Variants in PHTF1 observed in about 807,000 individuals in gnomAD.
The protein encoded by PHTF1 is protein PHTF1.
Under a neutral mutation model 102.4 loss-of-function variants are expected in PHTF1, and 88 were observed. That is an observed-to-expected ratio of 0.86 (90% CI 0.72 to 1.03). PHTF1 has a LOEUF of 1.03. Ranked by LOEUF, PHTF1 falls within the 50% of genes least tolerant of loss-of-function variation. The pLI is 0.00. For synonymous variants in PHTF1, 289 were observed against 305.2 expected, an observed-to-expected ratio of 0.95 and a Z score of 0.55; for missense variants, 814 against 909.5, an observed-to-expected ratio of 0.89 and a Z score of 1.35.
Position 113,738,882 on chromosome 1 carries a change from G to A in PHTF1, c.103-83C>T, listed in dbSNP as rs531507954. On this transcript the variant is annotated intron_variant, in intron 3 of 18. Transcript: ENST00000369604. Reference sequence around the variant, plus strand: ...TTATTTATTTTTGAGACACAGTTTCGCTCTTGTAGCCCAGGCTGGAGTGCA... The same window carrying A: ...TTATTTATTTTTGAGACACAGTTTCACTCTTGTAGCCCAGGCTGGAGTGCA... The A allele has an allele frequency of 5.3e-5, 51 of 966,390 alleles. No homozygotes were observed. In the East Asian group the frequency reaches 8.5e-4, roughly 16 times the overall value. The allele number at this position is 966,390 out of a possible 1,614,324, so 59.9% of individuals were successfully genotyped here.
chr1:113,710,816 T>A lies in PHTF1; in HGVS notation c.1048-341A>T, dbSNP rs1234592861. ...GATATATATATATATATATATTTTTTTTTTTTTTTTGTAAAGATGTGGTCT... is the reference window on the plus strand; with the variant it reads ...GATATATATATATATATATATTTTTATTTTTTTTTTGTAAAGATGTGGTCT... On this transcript the variant is annotated intron_variant, in intron 10 of 18. Coordinates refer to ENST00000369604, the MANE Select transcript of PHTF1 (RefSeq NM_001323043.2). Among the ~76,000 whole-genome samples the A allele has an allele frequency of 6.1e-3, 845 of 137,796 alleles. 9 individuals carry two copies. Among genetic ancestry groups the A allele is most frequent in the African/African-American group, 0.024 (795 of 32,830 alleles). The allele number at this position is 137,796 out of a possible 152,430, so 90.4% of individuals were successfully genotyped here.
At chr1:113,718,279 C>T (rs576721642) in intron 7 of PHTF1, among the ~76,000 whole-genome samples, 6 of 152,300 alleles carry the variant, frequency 3.9e-5, no homozygotes, top group African/African-American at 9.6e-5. Context: ...ATCCAGGTCA[C>T]GCTGATGCAA....
chr1:113,703,877 G>C lies in PHTF1; in HGVS notation c.1890+204C>G, dbSNP rs989942844. The C allele has an allele frequency of 2.4e-5, 12 of 490,950 alleles. No individual in the cohort carries two copies. In the East Asian group the frequency reaches 3.6e-4, roughly 15 times the overall value. The allele number at this position is 490,950 out of a possible 1,614,324, so 30.4% of individuals were successfully genotyped here. On this transcript the variant is annotated intron_variant, in intron 15 of 18. Coordinates refer to ENST00000369604, the MANE Select transcript of PHTF1 (RefSeq NM_001323043.2). ...AATTAATAATTACCAACTAAAATTA[G>C]AGCGATCTTACAGTTTGAAAGGACT...
intron 8 of PHTF1, 28 bp downstream of exon 8, chr1:113,713,251 C>A (rs200662874): frequency 1.6e-4 from 262 of 1,600,552 alleles, no homozygotes; most frequent in African/African-American, 3.0e-4. Context: ...GGGAAAAAAA[C>A]CCCTTGTTAA....
rs199578049 is a variant in PHTF1, at chr1:113,755,424, A to AT, written c.102+2274dup. 4.3e-3 allele frequency among the ~76,000 whole-genome samples: 648 copies of AT among 151,434 alleles called. 5 individuals carry two copies. The highest frequency in any genetic ancestry group is 0.014 in the African/African-American group (597 of 41,294). Reference sequence around the variant, plus strand: ...ACAAGAGTGGCACATTAGCTGAGTAATTTTTTTTTCAGCTTTCTACTATCA... The same window carrying AT: ...ACAAGAGTGGCACATTAGCTGAGTAATTTTTTTTTTCAGCTTTCTACTATCA... On this transcript the variant is annotated intron_variant, in intron 3 of 18. Coordinates refer to ENST00000369604, the MANE Select transcript of PHTF1 (RefSeq NM_001323043.2).
chr1:113,709,426 T>C (rs1650718213), intron 11 of PHTF1, among the ~76,000 whole-genome samples: 1 of 152,186 alleles, frequency 6.6e-6, no homozygotes, highest in Non-Finnish European at 1.5e-5. Flanking sequence ...TGTGGAAATA[T>C]TTAGCCTAAA....
chr1:113,710,182 G>T (rs1650831395), intron 11 of PHTF1, 72 bp downstream of exon 11: 2 of 1,080,634 alleles, frequency 1.9e-6, no homozygotes, highest in African/African-American at 3.1e-5. Context: ...AAAGTTAAAT[G>T]AGATGACAGA....
intron 5 of PHTF1, among the ~76,000 whole-genome samples, chr1:113,737,509 T>C (rs1161393091): frequency 6.6e-6 from 1 of 152,148 alleles, no homozygotes; most frequent in Non-Finnish European, 1.5e-5. Context: ...GAATAGAACC[T>C]AGGGTGCAAA....
At chr1:113,716,961 T>C (rs775869765) in intron 7 of PHTF1, among the ~76,000 whole-genome samples, 1 of 152,126 alleles carries the variant, frequency 6.6e-6, no homozygotes, top group African/African-American at 2.4e-5. Flanking sequence ...ATATCTTCAA[T>C]AGGAAGACTA....
intron 8 of PHTF1, among the ~76,000 whole-genome samples, 167 bp from the exon 9 acceptor site, chr1:113,712,280 T>G (rs899796752): frequency 6.6e-6 from 1 of 152,196 alleles, no homozygotes; most frequent in African/African-American, 2.4e-5. Flanking sequence ...AAGAAAAATA[T>G]TTAGTTGAAA....
chr1:113,705,764 G>A (rs1327525819), intron 13 of PHTF1, 126 bp downstream of exon 13: 1 of 680,244 alleles, frequency 1.5e-6, no homozygotes, highest in Non-Finnish European at 2.5e-6. Flanking sequence ...AATATCAAAA[G>A]TCCACTTATC....
chr1:113,712,993 G>A lies in PHTF1; in HGVS notation c.783+286C>T, dbSNP rs888093387. On this transcript the variant is annotated intron_variant, in intron 8 of 18. Coordinates refer to ENST00000369604, the MANE Select transcript of PHTF1 (RefSeq NM_001323043.2). ...TTTTTAGTAGAAACGGGGTTTCACC[G>A]TGTTAGCCAAGATGATCTCGATCTC... Among the ~76,000 whole-genome samples, 7 of 152,078 alleles carry A rather than the reference G, an allele frequency of 4.6e-5. 1 individual carries two copies. The highest frequency in any genetic ancestry group is 1.3e-4 in the Admixed American group (2 of 15,262).
chr1:113,705,875 T>A lies in PHTF1; in HGVS notation c.1671+15A>T, dbSNP rs1310243656. 1 of 1,596,424 alleles carries A rather than the reference T, an allele frequency of 6.3e-7. No individual in the cohort carries two copies. Among genetic ancestry groups the A allele is most frequent in the African/African-American group, 1.4e-5 (1 of 73,770 alleles). ...ACAAAAACAGGTAAAAAATTTTCCT[T>A]ATTTCTCCACTGACCTGTTTATATG... On this transcript the variant is annotated intron_variant, in intron 13 of 18. Coordinates refer to ENST00000369604, the MANE Select transcript of PHTF1 (RefSeq NM_001323043.2).
intron 3 of PHTF1, among the ~76,000 whole-genome samples, chr1:113,739,487 T>C (rs1380507210): frequency 6.6e-6 from 1 of 152,234 alleles, no homozygotes; most frequent in Non-Finnish European, 1.5e-5. Flanking sequence ...TGTGCATATT[T>C]ATGGCGTAGA....
intron 4 of PHTF1, 62 bp downstream of exon 4, chr1:113,738,668 A>G: frequency 1.0e-6 from 1 of 970,008 alleles, no homozygotes; most frequent in Middle Eastern, 2.6e-4. Flanking sequence ...GAAGATATTG[A>G]AAATTAAGCA....
chr1:113,700,835 T>G lies in PHTF1; in HGVS notation c.2005A>C (p.Asn669His), dbSNP rs369210173. ...LRLASLGSET[N>H]KKYSNVSILL... Reference sequence around the variant, plus strand: ...ATTGAAACATTGCTGTATTTCTTATTGGTTTCAGACCCCAGTGAGGCCAGA... The same window carrying G: ...ATTGAAACATTGCTGTATTTCTTATGGGTTTCAGACCCCAGTGAGGCCAGA... The change falls in exon 16 of 19, where the codon AAT (asparagine) becomes CAT (histidine). Residue 669 changes from asparagine (N) to histidine (H), a missense_variant. By Grantham distance (68) the Asn-to-His change is moderately conservative. Transcript: ENST00000369604. 3.1e-6 allele frequency: 5 copies of G among 1,613,940 alleles called. No homozygotes were observed. Among genetic ancestry groups the G allele is most frequent in the Non-Finnish European group, 4.2e-6 (5 of 1,179,900 alleles).
At chr1:113,745,516 G>A (rs1250616472) in intron 3 of PHTF1, among the ~76,000 whole-genome samples, 1 of 152,196 alleles carries the variant, frequency 6.6e-6, no homozygotes, top group African/African-American at 2.4e-5. Context: ...CCAGGGCATG[G>A]AATAGTGGTA....
At chr1:113,734,122 T>C (rs1655118721) in intron 5 of PHTF1, among the ~76,000 whole-genome samples, 1 of 152,106 alleles carries the variant, frequency 6.6e-6, no homozygotes, top group Non-Finnish European at 1.5e-5. Flanking sequence ...TAGTCAGGCA[T>C]GGTGGCAGGT....
intron 3 of PHTF1, among the ~76,000 whole-genome samples, chr1:113,757,411 C>T (rs1270885030): frequency 6.6e-6 from 1 of 152,188 alleles, no homozygotes; most frequent in Non-Finnish European, 1.5e-5. Context: ...TTTGGACCTG[C>T]ACTGCCAAGT....
Sources: gnomAD v4.1 joint callset for allele counts (sites outside exome capture counted in the v4.1 genomes callset) on GRCh38, gnomAD v4.1.1 for gene constraint, MANE v1.5 for transcripts, NCBI Gene and HGNC (gene_info 2026-07-23, HGNC 2026-07-21) for gene names.